The following PRKAG2 variants were observed in gnomAD, a reference collection of about 807,000 sequenced individuals.
PRKAG2 encodes the protein protein kinase AMP-activated non-catalytic subunit gamma 2, also known as 5'-AMP-activated protein kinase subunit gamma-2.
Under a neutral mutation model 69.6 loss-of-function variants are expected in PRKAG2, and 26 were observed. That is an observed-to-expected ratio of 0.37 (90% CI 0.27 to 0.52). PRKAG2 has a LOEUF of 0.52. Ranked by LOEUF, PRKAG2 falls within the 20% of genes least tolerant of loss-of-function variation. The probability of loss-of-function intolerance (pLI) is 0.90; values close to 1 mark genes in which losing one functional copy is unlikely to be tolerated. For missense variants in PRKAG2, 557 were observed against 740.0 expected, an observed-to-expected ratio of 0.75 and a Z score of 2.87; for synonymous variants, 293 against 285.0, an observed-to-expected ratio of 1.03 and a Z score of -0.28.
At chr7:151,747,717 A>AAAAAC (rs1181276133) in intron 3 of PRKAG2, among the ~76,000 whole-genome samples, 7 of 152,172 alleles carry the variant, frequency 4.6e-5, no homozygotes, top group South Asian at 2.1e-4. Flanking sequence ...GGCAAGATAC[A>AAAAAC]AAAACAAAAC....
At chr7:151,749,591 TA>T (rs2074527557) in intron 3 of PRKAG2, among the ~76,000 whole-genome samples, 1 of 152,106 alleles carries the variant, frequency 6.6e-6, no homozygotes, top group Non-Finnish European at 1.5e-5. Flanking sequence ...GTATCCAGAA[TA>T]CATAAAGAAC....
intron 3 of PRKAG2, among the ~76,000 whole-genome samples, chr7:151,750,392 A>G (rs2151734612): frequency 6.6e-6 from 1 of 152,298 alleles, no homozygotes; most frequent in Non-Finnish European, 1.5e-5. Context: ...AATGGAGTCT[A>G]TTCTACAATG....
At chr7:151,566,547 T>C in intron 11 of PRKAG2, 1 of 445,484 alleles carries the variant, frequency 2.2e-6, no homozygotes, top group Non-Finnish European at 4.5e-6. Flanking sequence ...TATAACAAAA[T>C]AAGGTCTACG....
rs529659726 is a variant in PRKAG2, at chr7:151,638,154, G to T, written c.685-6016C>A. Among the ~76,000 whole-genome samples, 11 of 152,150 alleles carry T rather than the reference G, an allele frequency of 7.2e-5. No homozygotes were observed. The highest frequency in any genetic ancestry group is 1.5e-4 in the Non-Finnish European group (10 of 68,026). ...GGCCAACCATGGCAGGGAGGAACTGGGTTCTGCTAACAGCCTGGCACAGTT... is the reference window on the plus strand; with the variant it reads ...GGCCAACCATGGCAGGGAGGAACTGTGTTCTGCTAACAGCCTGGCACAGTT... On this transcript the variant is annotated intron_variant, in intron 4 of 15. Transcript: ENST00000287878. This position sits in a 1 kb window ranked among gnomAD's most constrained non-coding sequence, Gnocchi z 4.3.
intron 3 of PRKAG2, among the ~76,000 whole-genome samples, chr7:151,730,789 G>T (rs1444193482): frequency 6.6e-6 from 1 of 152,200 alleles, no homozygotes; most frequent in Non-Finnish European, 1.5e-5. Flanking sequence ...GGAGAGCCAT[G>T]GCACGCAGTA....
chr7:151,642,965 G>T (rs1235197193), intron 4 of PRKAG2, among the ~76,000 whole-genome samples: 1 of 152,202 alleles, frequency 6.6e-6, no homozygotes, highest in Admixed American at 6.5e-5. Flanking sequence ...GAACGAACAT[G>T]TGCTAGCATG....
In PRKAG2 at chr7:151,614,023, G is replaced by A. The variant is rs1249509974; in HGVS notation, c.754+18046C>T. Among the ~76,000 whole-genome samples the A allele has an allele frequency of 6.6e-6, 1 of 151,994 alleles. No homozygotes were observed. Among genetic ancestry groups the A allele is most frequent in the South Asian group, 2.1e-4 (1 of 4,810 alleles). On this transcript the variant is annotated intron_variant, in intron 5 of 15. Coordinates refer to ENST00000287878, the MANE Select transcript of PRKAG2 (RefSeq NM_016203.4). The surrounding 1 kb of genome is among the most constrained non-coding windows in gnomAD (Gnocchi z 4.4). ...TCGCTATGTTGGTCAGGCTGGTCTCGAACTTCTGACCTCAGGTGATCCACC... is the reference window on the plus strand; with the variant it reads ...TCGCTATGTTGGTCAGGCTGGTCTCAAACTTCTGACCTCAGGTGATCCACC...
chr7:151,734,251 T>C (rs1442234734), intron 3 of PRKAG2: 1 of 152,238 alleles, frequency 6.6e-6, no homozygotes, highest in Non-Finnish European at 1.5e-5. Context: ...GATTTACCTT[T>C]TTCTTTTTCT....
In PRKAG2 at chr7:151,563,865, C is replaced by A. The variant is rs1392015694; in HGVS notation, c.1584+213G>T. ...ATTGGATTCACCTATGATACCAGGACTTTTCCATTCAATTCAATTCAACAA... is the reference window on the plus strand; with the variant it reads ...ATTGGATTCACCTATGATACCAGGAATTTTCCATTCAATTCAATTCAACAA... On this transcript the variant is annotated intron_variant, in intron 14 of 15. Transcript: ENST00000287878. 2.6e-5 allele frequency among the ~76,000 whole-genome samples: 4 copies of A among 152,194 alleles called. No homozygotes were observed. The East Asian group carries it at 7.7e-4, about 29-fold the overall frequency.
intron 4 of PRKAG2, among the ~76,000 whole-genome samples, chr7:151,673,838 CTTTTTT>C (rs57744338): frequency 2.3e-5 from 2 of 87,590 alleles, no homozygotes; most frequent in Non-Finnish European, 2.2e-5. Flanking sequence ...AGCTTGTGTT[CTTTTTT>C]TTTTTTTTTT....
intron 1 of PRKAG2, among the ~76,000 whole-genome samples, chr7:151,819,138 C>T (rs935036975): frequency 1.3e-5 from 2 of 152,176 alleles, no homozygotes; most frequent in Non-Finnish European, 2.9e-5. Context: ...GGCCCGCAGC[C>T]CACCCAGCCC....
intron 3 of PRKAG2, among the ~76,000 whole-genome samples, chr7:151,740,089 G>A (rs2073766054): frequency 6.6e-6 from 1 of 152,192 alleles, no homozygotes; most frequent in Non-Finnish European, 1.5e-5. Flanking sequence ...GCTTTGGGAG[G>A]CACCGGACAG....
intron 3 of PRKAG2, among the ~76,000 whole-genome samples, chr7:151,730,807 G>A (rs1165671284): frequency 2.6e-5 from 4 of 152,204 alleles, no homozygotes; most frequent in Non-Finnish European, 5.9e-5. Context: ...GTATTGGGGT[G>A]ACCTGAATGT....
intron 3 of PRKAG2, among the ~76,000 whole-genome samples, chr7:151,721,437 C>T (rs1253660730): frequency 6.6e-6 from 1 of 152,018 alleles, no homozygotes; most frequent in African/African-American, 2.4e-5. Context: ...CTATGGGGCC[C>T]AGCTGGGGTG....
chr7:151,574,679 T>G (rs1257772101), intron 8 of PRKAG2, among the ~76,000 whole-genome samples: 1 of 152,166 alleles, frequency 6.6e-6, no homozygotes, highest in African/African-American at 2.4e-5. Flanking sequence ...GAGAATTCCT[T>G]CTTTGAGTTT....
At position 151,629,781 on chromosome 7, in the gene PRKAG2, A is replaced by G. The variant is rs143445957; in HGVS notation, c.754+2288T>C. ...AATGCCTCTAGACATCAATGCATACATGAAGACGTTAACAGGGTATGCTGG... is the reference window on the plus strand; with the variant it reads ...AATGCCTCTAGACATCAATGCATACGTGAAGACGTTAACAGGGTATGCTGG... On this transcript the variant is annotated intron_variant, in intron 5 of 15. Coordinates refer to ENST00000287878, the MANE Select transcript of PRKAG2 (RefSeq NM_016203.4). 3.9e-5 allele frequency among the ~76,000 whole-genome samples: 6 copies of G among 152,368 alleles called. No individual in the cohort carries two copies. The East Asian group carries it at 1.2e-3, about 29-fold the overall frequency.
intron 5 of PRKAG2, among the ~76,000 whole-genome samples, chr7:151,624,734 G>C (rs1381854252): frequency 6.6e-6 from 1 of 152,112 alleles, no homozygotes; most frequent in East Asian, 1.9e-4. Context: ...ACCCACCGTC[G>C]GGTGGAGAAG....
chr7:151,715,872 C>T (rs1796103087), intron 3 of PRKAG2, among the ~76,000 whole-genome samples: 1 of 152,172 alleles, frequency 6.6e-6, no homozygotes, highest in Non-Finnish European at 1.5e-5. Flanking sequence ...TGCGGGACTC[C>T]ACTCTCCTCG....
intron 5 of PRKAG2, among the ~76,000 whole-genome samples, chr7:151,604,961 G>C (rs564202854): frequency 4.6e-5 from 7 of 152,036 alleles, no homozygotes. Flanking sequence ...GAGGATCTAC[G>C]ACATTTTTTA....
Sources: allele counts gnomAD v4.1 joint callset (sites outside exome capture counted in the v4.1 genomes callset), GRCh38; gene constraint gnomAD v4.1.1; non-coding constraint Gnocchi (gnomAD v3.1); transcripts MANE v1.5; gene names NCBI Gene and HGNC (gene_info 2026-07-23, HGNC 2026-07-21).